SYK: variants seen among roughly 807,000 people sequenced by gnomAD.
SYK encodes the protein spleen associated tyrosine kinase.
Under a neutral mutation model 77.8 loss-of-function variants are expected in SYK, and 16 were observed. The ratio of observed to expected loss-of-function variants is 0.21; its 90% confidence interval spans 0.14 to 0.31. The LOEUF (loss-of-function observed/expected upper bound fraction) is 0.31, where lower values mean the gene tolerates loss of function less well. SYK is among the 10% of genes least tolerant of loss of function. The pLI is 1.00. For missense variants in SYK, 529 were observed against 814.4 expected (o/e 0.65, Z 4.26); for synonymous variants, 312 against 308.7 (o/e 1.01, Z -0.11).
chr9:90,861,556 A>C (rs2387336), intron 3 of SYK, among the ~76,000 whole-genome samples: 5 of 24,080 alleles, frequency 2.1e-4, no homozygotes, highest in East Asian at 5.3e-3. Flanking sequence ...GCAGTGGGAG[A>C]GTGGAAGTCC....
chr9:90,805,644 GTTT>G (rs1445952857), intron 1 of SYK, among the ~76,000 whole-genome samples: 4 of 152,172 alleles, frequency 2.6e-5, no homozygotes, highest in Admixed American at 1.3e-4. Context: ...CCCTCCATTG[GTTT>G]GTCTTAACTG....
chr9:90,840,096 T>C (rs1234503736), intron 1 of SYK, among the ~76,000 whole-genome samples: 1 of 152,032 alleles, frequency 6.6e-6, no homozygotes, highest in African/African-American at 2.4e-5. Flanking sequence ...ATATGGGCAG[T>C]AAGGAACATG....
chr9:90,884,150 T>TGTGTGTATATATATATATACACAC (rs1828272206), intron 11 of SYK, among the ~76,000 whole-genome samples: 1 of 71,428 alleles, frequency 1.4e-5, no homozygotes, highest in African/African-American at 6.1e-5. Flanking sequence ...TATATGTGTG[T>TGTGTGTATATATATATATACACAC]GTGTATATAT....
chr9:90,875,325 G>T (rs981511957), intron 9 of SYK, among the ~76,000 whole-genome samples: 3 of 151,986 alleles, frequency 2.0e-5, no homozygotes, highest in Middle Eastern at 3.2e-3. Context: ...TGCTCAAGAG[G>T]CCAAGAAGCC....
In SYK at chr9:90,888,642, C is replaced by T; in HGVS notation, c.1835+15C>T. The T allele has an allele frequency of 6.4e-7, 1 of 1,553,028 alleles. No individual in the cohort carries two copies. The highest frequency in any genetic ancestry group is 8.7e-7 in the Non-Finnish European group (1 of 1,143,568). On this transcript the variant is annotated intron_variant, in intron 13 of 13. Transcript: ENST00000375754. The stretch of plus-strand genomic sequence containing the variant: ...TGGACATACGAGTGAGTACCTGACA[C>T]TGACTGTGATGTATTCAGATGCTCT...
Position 90,891,213 on chromosome 9 carries a change from TGGGCTC to T in SYK, c.1835+2587_1835+2592del, listed in dbSNP as rs1216221124. On this transcript the variant is annotated intron_variant, in intron 13 of 13. Coordinates refer to ENST00000375754, the MANE Select transcript of SYK (RefSeq NM_003177.7). Reference sequence around the variant, plus strand: ...CAGGCTGGAGTGCAGTGGCGCGATCTGGGCTCACTGCAAGCTCTGTCTCCCGGGTTC... The same window carrying T: ...CAGGCTGGAGTGCAGTGGCGCGATCTACTGCAAGCTCTGTCTCCCGGGTTC... 6.4e-3 allele frequency among the ~76,000 whole-genome samples: 960 copies of T among 150,106 alleles called. 2 individuals carry two copies. The highest frequency in any genetic ancestry group is 0.013 in the South Asian group (59 of 4,702).
chr9:90,867,486 G>A (rs932622300), intron 7 of SYK, among the ~76,000 whole-genome samples: 6 of 152,170 alleles, frequency 3.9e-5, no homozygotes, highest in African/African-American at 1.2e-4. Context: ...GGCGTCATCC[G>A]TCATAGCTAA....
In SYK at chr9:90,818,519, C is replaced by G. The variant is rs138239456; in HGVS notation, c.-42+16626C>G. ...GCAGCAGCTGAGATGCTTCCCTGCA[C>G]TTGACTTGTTTACGGTCAGATCGTA... On this transcript the variant is annotated intron_variant, in intron 1 of 13. Coordinates refer to ENST00000375754, the MANE Select transcript of SYK (RefSeq NM_003177.7). Among the ~76,000 whole-genome samples, 574 of 152,316 alleles carry G rather than the reference C, an allele frequency of 3.8e-3. 4 individuals are homozygous for G. The highest frequency in any genetic ancestry group is 0.011 in the South Asian group (54 of 4,830).
At chr9:90,826,872 A>G (rs543176738) in intron 1 of SYK, among the ~76,000 whole-genome samples, 3 of 152,298 alleles carry the variant, frequency 2.0e-5, no homozygotes, top group African/African-American at 7.2e-5. Context: ...CTGTCTGACC[A>G]GGAGGCCTGG....
At position 90,884,150 on chromosome 9, in the gene SYK, T is replaced by TGTGTATATATATATACACACATAC. The variant is rs1554714310; in HGVS notation, c.1582-3588_1582-3587insTATACACACATACGTGTATATATA. Among the ~76,000 whole-genome samples, 14 of 71,462 alleles carry TGTGTATATATATATACACACATAC rather than the reference T, an allele frequency of 2.0e-4. 1 individual carries two copies. Among genetic ancestry groups the TGTGTATATATATATACACACATAC allele is most frequent in the Non-Finnish European group, 2.8e-4 (10 of 35,604 alleles). 46.9% of individuals were successfully genotyped at this position (71,462 alleles called of 152,430 possible). A position where few individuals can be genotyped will look rare whatever the true frequency, so the allele number is the denominator to read the frequency against. ...AGTGCCCTACATATATATATGTGTGTGTGTATATATACACACATACACATA... is the reference window on the plus strand; with the variant it reads ...AGTGCCCTACATATATATATGTGTGTGTGTATATATATATACACACATACGTGTATATATACACACATACACATA... On this transcript the variant is annotated intron_variant, in intron 11 of 13. Transcript: ENST00000375754.
intron 1 of SYK, among the ~76,000 whole-genome samples, chr9:90,822,597 G>A (rs929806511): frequency 7.2e-5 from 11 of 152,140 alleles, no homozygotes; most frequent in African/African-American, 2.2e-4. Flanking sequence ...TTGCACCTGC[G>A]GATGCTGGAG....
At chr9:90,806,921 A>G (rs1824862456) in intron 1 of SYK, among the ~76,000 whole-genome samples, 2 of 152,212 alleles carry the variant, frequency 1.3e-5, no homozygotes, top group South Asian at 4.1e-4. Flanking sequence ...TGGAGATCTC[A>G]TGAGACTTTA....
At chr9:90,879,601 C>T (rs1460358891) in intron 11 of SYK, among the ~76,000 whole-genome samples, 1 of 152,212 alleles carries the variant, frequency 6.6e-6, no homozygotes, top group Non-Finnish European at 1.5e-5. Flanking sequence ...TGTATGTCCA[C>T]TACATATGTA....
At chr9:90,836,913 A>G (rs1826106533) in intron 1 of SYK, among the ~76,000 whole-genome samples, 1 of 152,240 alleles carries the variant, frequency 6.6e-6, no homozygotes, top group Non-Finnish European at 1.5e-5. Flanking sequence ...AACAGATGAC[A>G]GTAAATTTAT....
chr9:90,835,545 T>C (rs1826043848), intron 1 of SYK, among the ~76,000 whole-genome samples: 1 of 152,216 alleles, frequency 6.6e-6, no homozygotes, highest in East Asian at 1.9e-4. Flanking sequence ...GAAGCAGAAC[T>C]GGCTGTGTTC....
At chr9:90,878,519 G>A (rs979480381) in intron 10 of SYK, among the ~76,000 whole-genome samples, 1 of 152,176 alleles carries the variant, frequency 6.6e-6, no homozygotes, top group African/African-American at 2.4e-5. Context: ...TGACTACTCT[G>A]TTATACTGCT....
chr9:90,809,908 T>C (rs1175754335), intron 1 of SYK, among the ~76,000 whole-genome samples: 1 of 151,930 alleles, frequency 6.6e-6, no homozygotes, highest in East Asian at 1.9e-4. Flanking sequence ...CCTCCTGTTA[T>C]GGAAATGTTT....
At chr9:90,872,066 C>T (rs145260943) in intron 7 of SYK, among the ~76,000 whole-genome samples, 1 of 152,350 alleles carries the variant, frequency 6.6e-6, no homozygotes, top group African/African-American at 2.4e-5. Context: ...TTACTCATTC[C>T]TGACACCCTA....
In SYK at chr9:90,867,166, A is replaced by T; in HGVS notation, c.882A>T (p.Lys294Asn). The T allele has an allele frequency of 6.2e-7, 1 of 1,614,160 alleles. No homozygotes were observed. Among genetic ancestry groups the T allele is most frequent in the African/African-American group, 1.3e-5 (1 of 75,044 alleles). The change falls in exon 7 of 14, where the codon AAA becomes AAT. Residue 294 changes from lysine to asparagine, a missense_variant. This residue lies in a region of SYK where 321 missense variants were observed against 433.1 expected (regional missense o/e 0.74). Coordinates refer to ENST00000375754, the MANE Select transcript of SYK (RefSeq NM_003177.7). ...CGGGTGGAATAATCTCAAGAATCAA[A>T]TCATACTCCTTCCCAAAGCCTGGCC... ...WSAGGIISRIKSYSFPKPGHR... is the reference protein window; with the variant it reads ...WSAGGIISRINSYSFPKPGHR...
Sources: allele counts gnomAD v4.1 joint callset (sites outside exome capture counted in the v4.1 genomes callset), GRCh38; gene constraint gnomAD v4.1.1; regional missense constraint gnomAD v4.1.1; transcripts MANE v1.5; gene names NCBI Gene and HGNC (gene_info 2026-07-23, HGNC 2026-07-21).